TARS1: variants seen among roughly 807,000 people sequenced by gnomAD.
The protein encoded by TARS1 is threonine--tRNA ligase 1, cytoplasmic.
In TARS1, 57 loss-of-function variants were observed where a neutral mutation model predicts 97.7. That is an observed-to-expected ratio of 0.58 (90% confidence interval 0.47 to 0.73). TARS1 has a LOEUF of 0.73. Among genes scored for constraint, TARS1 ranks in the 30% least tolerant of loss-of-function variants. The probability of loss-of-function intolerance (pLI) is 0.00; values close to 1 mark genes in which losing one functional copy is unlikely to be tolerated. For missense variants in TARS1, 806 were observed against 888.3 expected, an observed-to-expected ratio of 0.91 and a Z score of 1.18; for synonymous variants, 312 against 293.7, an observed-to-expected ratio of 1.06 and a Z score of -0.64.
At chr5:33,440,824 CTCCGCGACCTGATT>C (rs1741044249), upstream of TARS1, 2 of 551,016 alleles carry the variant, frequency 3.6e-6, no homozygotes, top group Non-Finnish European at 6.5e-6. Context: ...CCTCCTCACC[CTCCGCGACCTGATT>C]TCCTAGAAGG....
intron 3 of TARS1, among the ~76,000 whole-genome samples, chr5:33,452,078 C>G (rs922681588): frequency 3.9e-5 from 6 of 152,124 alleles, no homozygotes; most frequent in Admixed American, 3.9e-4. Context: ...TGGTTCTTTT[C>G]TCTTGATCCT....
rs140359049 is a variant in TARS1 at position 33,456,021 on chromosome 5, G to A, written c.713G>A (p.Arg238Gln). 6.7e-5 allele frequency: 108 copies of A among 1,613,508 alleles called. No individual in the cohort carries two copies. The South Asian group carries it at 9.8e-4, about 15-fold the overall frequency. ...TTTCAGTACAACAAGTTCAAATGCC[G>A]GATATTGAATGAAAAGGTGAATACT... ...AMFKYNKFKC[R>Q]ILNEKVNTPT... Residue 238 changes from arginine (R) to glutamine (Q), a missense_variant, in exon 7 of 19, where the codon CGG becomes CAG. By Grantham distance (43) the Arg-to-Gln change is conservative. Transcript: ENST00000265112.
intron 1 of TARS1, among the ~76,000 whole-genome samples, chr5:33,444,714 C>T (rs2111924534): frequency 6.6e-6 from 1 of 152,292 alleles, no homozygotes; most frequent in South Asian, 2.1e-4. Flanking sequence ...GACACATTTC[C>T]TGTATTCTCA....
chr5:33,449,813 A>G (rs1741639077), intron 3 of TARS1, among the ~76,000 whole-genome samples: 1 of 152,188 alleles, frequency 6.6e-6, no homozygotes. Context: ...AGAATATACA[A>G]CAGAGACCAT....
intron 17 of TARS1, chr5:33,465,893 T>C (rs1300603292): frequency 6.6e-6 from 1 of 152,238 alleles, no homozygotes; most frequent in Non-Finnish European, 1.5e-5. Context: ...CTGGTTTTAC[T>C]CATGATACTT....
chr5:33,459,743 T>C lies in TARS1; in HGVS notation c.1132T>C (p.Phe378Leu). ...CCAGGAGGTAGTCACCCCAAACATCTTCAACAGCCGACTCTGGATGACCTC... is the reference window on the plus strand; with the variant it reads ...CCAGGAGGTAGTCACCCCAAACATCCTCAACAGCCGACTCTGGATGACCTC... ...GFQEVVTPNI[F>L]NSRLWMTSGH... The change falls in exon 11 of 19, where the codon TTC becomes CTC. Residue 378 changes from phenylalanine (F) to leucine (L), a missense_variant. Around this residue, in one of 3 missense-constraint regions of TARS1, gnomAD observed 446 missense variants for 511.0 expected, o/e 0.87. Coordinates refer to ENST00000265112, the MANE Select transcript of TARS1 (RefSeq NM_152295.5). 1 of 1,614,156 alleles carries C rather than the reference T, an allele frequency of 6.2e-7. No homozygotes were observed. The highest frequency in any genetic ancestry group is 8.5e-7 in the Non-Finnish European group (1 of 1,180,014).
At chr5:33,449,445 CTTTTTTTTTT>C (rs57691465) in intron 3 of TARS1, among the ~76,000 whole-genome samples, 328 of 69,172 alleles carry the variant, frequency 4.7e-3, no homozygotes, top group Non-Finnish European at 7.1e-3. Context: ...TTTTTTCTTT[CTTTTTTTTTT>C]TTTTTTTTTT....
chr5:33,455,298 G>A (rs1741958169), intron 5 of TARS1, among the ~76,000 whole-genome samples: 1 of 152,118 alleles, frequency 6.6e-6, no homozygotes, highest in Non-Finnish European at 1.5e-5. Flanking sequence ...GGAAATTCAG[G>A]GAGACTGGTC....
At chr5:33,449,734 C>T (rs560987667) in intron 3 of TARS1, among the ~76,000 whole-genome samples, 35 of 152,022 alleles carry the variant, frequency 2.3e-4, no homozygotes, top group Admixed American at 1.8e-3. Flanking sequence ...GGATTACAGG[C>T]GTGACCCACC....
chr5:33,452,365 C>T (rs559862040), intron 3 of TARS1: 10 of 1,535,514 alleles, frequency 6.5e-6, no homozygotes, highest in East Asian at 2.4e-5. Context: ...GCAAAAACCT[C>T]TCTTCACTTG....
intron 8 of TARS1, among the ~76,000 whole-genome samples, chr5:33,457,047 C>G (rs1198926197): frequency 1.3e-5 from 2 of 152,186 alleles, no homozygotes; most frequent in Admixed American, 6.5e-5. Flanking sequence ...AATCCTCTTG[C>G]CTCGGCTTCA....
chr5:33,455,385 A>G (rs1428318741), intron 5 of TARS1, among the ~76,000 whole-genome samples: 1 of 152,212 alleles, frequency 6.6e-6, no homozygotes, highest in Non-Finnish European at 1.5e-5. Context: ...TGGATGACCA[A>G]GGTAGAAGCT....
intron 11 of TARS1, among the ~76,000 whole-genome samples, chr5:33,460,348 G>T (rs1313092031): frequency 6.6e-6 from 1 of 152,214 alleles, no homozygotes; most frequent in Non-Finnish European, 1.5e-5. Flanking sequence ...AAAACAGGAA[G>T]ATGAAATATG....
chr5:33,445,293 T>A, intron 1 of TARS1, 31 bp from the exon 2 acceptor site: 2 of 1,575,024 alleles, frequency 1.3e-6, no homozygotes, highest in African/African-American at 2.7e-5. Context: ...TCACATTAGA[T>A]TAAAATATAA....
intron 2 of TARS1, among the ~76,000 whole-genome samples, chr5:33,448,308 G>A (rs949685915): frequency 4.6e-5 from 7 of 152,194 alleles, no homozygotes; most frequent in Non-Finnish European, 1.0e-4. Flanking sequence ...GCTGTAAATA[G>A]TAGCAAAATG....
At chr5:33,467,021 A>G in intron 18 of TARS1, 36 bp downstream of exon 18, 1 of 1,361,758 alleles carries the variant, frequency 7.3e-7, no homozygotes, top group South Asian at 1.5e-5. Context: ...AATTTGCCAC[A>G]CCTCAGGAAA....
intron 17 of TARS1, among the ~76,000 whole-genome samples, chr5:33,464,746 C>T (rs765360324): frequency 6.6e-6 from 1 of 151,792 alleles, no homozygotes; most frequent in Non-Finnish European, 1.5e-5. Flanking sequence ...CACTGCATTC[C>T]AGCCTGAGCA....
At chr5:33,446,624 A>G (rs889640025) in intron 2 of TARS1, 1 of 1,262,060 alleles carries the variant, frequency 7.9e-7, no homozygotes, top group African/African-American at 1.5e-5. Context: ...TGCAGGTTTT[A>G]TTCATCTCTG....
intron 2 of TARS1, 133 bp from the exon 3 acceptor site, chr5:33,448,408 G>T: frequency 1.5e-6 from 1 of 650,232 alleles, no homozygotes; most frequent in Non-Finnish European, 2.4e-6. Context: ...GGGTGATTTT[G>T]GCAGTGTTTA....
Sources: gnomAD v4.1 joint callset for allele counts (sites outside exome capture counted in the v4.1 genomes callset) on GRCh38, gnomAD v4.1.1 for gene constraint, gnomAD v4.1.1 regional missense constraint, MANE v1.5 for transcripts, NCBI Gene and HGNC (gene_info 2026-07-23, HGNC 2026-07-21) for gene names.